AK7: variants seen among roughly 807,000 people sequenced by gnomAD.
AK7 encodes the protein adenylate kinase 7, also known as ATP-AMP transphosphorylase 7.
AK7 carries 78 observed loss-of-function variants against 96.6 expected under a neutral mutation model. That is an observed-to-expected ratio of 0.81 (90% CI 0.67 to 0.97). AK7 has a LOEUF of 0.97. Among genes scored for constraint, AK7 ranks in the 50% least tolerant of loss-of-function variants. The pLI, the probability that AK7 is intolerant of heterozygous loss-of-function variation, is 0.00. For synonymous variants in AK7, 302 were observed against 317.2 expected, an observed-to-expected ratio of 0.95 and a Z score of 0.51; for missense variants, 855 against 887.9, an observed-to-expected ratio of 0.96 and a Z score of 0.47.
intron 4 of AK7, among the ~76,000 whole-genome samples, chr14:96,418,319 G>A (rs1891465512): frequency 1.4e-4 from 1 of 7,092 alleles, no homozygotes; most frequent in African/African-American, 9.0e-4. Context: ...GTGAGACCTT[G>A]TCTAAAAAAA....
chr14:96,415,536 C>T (rs1891278029), intron 4 of AK7, among the ~76,000 whole-genome samples: 1 of 151,768 alleles, frequency 6.6e-6, no homozygotes, highest in Admixed American at 6.6e-5. Flanking sequence ...ACAGCAGAGG[C>T]AGGCCAGCCC....
Position 96,398,242 on chromosome 14 carries a change from C to A in AK7, c.273C>A (p.Asp91Glu). The A allele has an allele frequency of 6.2e-7, 1 of 1,613,300 alleles. No homozygotes were observed. Among genetic ancestry groups the A allele is most frequent in the South Asian group, 1.1e-5 (1 of 91,050 alleles). ...CCAAGCCTGACAGCCCGCGGCCTGA[C>A]TTTGCGGTGGAGACGTACTCTGTAA... ...TLSKPDSPRP[D>E]FAVETYSAIS... The change falls in exon 2 of 18, where the codon GAC becomes GAA. Residue 91 changes from aspartate to glutamate, a missense_variant. Coordinates refer to ENST00000267584, the MANE Select transcript of AK7 (RefSeq NM_152327.5).
rs1276775496 is a variant in AK7, at chr14:96,437,865, G to A, written c.640G>A (p.Ala214Thr). ...AAAATTTGCAGCATACGTAGTTGCT[G>A]CTGGACTCCAGTATGGAGCGGAAGG... ...ARKFAAYVVA[A>T]GLQYGAEGGM... The change falls in exon 6 of 18, where the codon GCT becomes ACT. Residue 214 changes from alanine (A) to threonine (T), a missense_variant. Coordinates refer to ENST00000267584, the MANE Select transcript of AK7 (RefSeq NM_152327.5). 3.7e-6 allele frequency: 6 copies of A among 1,612,676 alleles called. No homozygotes were observed. The highest frequency in any genetic ancestry group is 1.3e-5 in the African/African-American group (1 of 74,832).
chr14:96,435,224 C>A (rs1474156558), intron 5 of AK7, among the ~76,000 whole-genome samples: 1 of 152,124 alleles, frequency 6.6e-6, no homozygotes, highest in Non-Finnish European at 1.5e-5. Flanking sequence ...TCACCTGAAG[C>A]CAGAAGGCTC....
chr14:96,405,669 G>A (rs1421915069), intron 3 of AK7, among the ~76,000 whole-genome samples: 1 of 152,150 alleles, frequency 6.6e-6, no homozygotes, highest in African/African-American at 2.4e-5. Context: ...CGCTCACAAG[G>A]AAGTTGTGTA....
chr14:96,436,616 G>C (rs1251532932), intron 5 of AK7, among the ~76,000 whole-genome samples: 1 of 152,172 alleles, frequency 6.6e-6, no homozygotes, highest in Non-Finnish European at 1.5e-5. Context: ...CTGCACTCCA[G>C]CCTGGGCAAC....
rs990929840 is a variant in AK7 at position 96,397,540 on chromosome 14, C to T, written c.106-535C>T. Among the ~76,000 whole-genome samples, 25 of 152,152 alleles carry T rather than the reference C, an allele frequency of 1.6e-4. 1 individual carries two copies. Among genetic ancestry groups the T allele is most frequent in the Admixed American group, 1.1e-3 (17 of 15,278 alleles). On this transcript the variant is annotated intron_variant, in intron 1 of 17. Transcript: ENST00000267584. ...CTGGGATTACAGGCATGAGCCACTG[C>T]GCCCAACCTCACAGCATTTAAATTA...
intron 5 of AK7, among the ~76,000 whole-genome samples, chr14:96,433,331 T>G (rs980106108): frequency 1.3e-5 from 2 of 152,228 alleles, no homozygotes; most frequent in Non-Finnish European, 2.9e-5. Flanking sequence ...TTTGGTCTTT[T>G]CACATAGTCC....
intron 7 of AK7, among the ~76,000 whole-genome samples, chr14:96,445,182 T>C (rs1336173470): frequency 1.3e-5 from 2 of 152,260 alleles, no homozygotes; most frequent in Non-Finnish European, 2.9e-5. Context: ...TTCTATTTTA[T>C]GGAATGAAAT....
chr14:96,415,728 T>A (rs933879600), intron 4 of AK7, among the ~76,000 whole-genome samples: 1 of 111,216 alleles, frequency 9.0e-6, no homozygotes, highest in Admixed American at 8.9e-5. Context: ...TATTAATAAA[T>A]TTTAATACAT....
intron 12 of AK7, 84 bp downstream of exon 12, chr14:96,458,296 A>G: frequency 1.3e-6 from 2 of 1,525,828 alleles, no homozygotes; most frequent in Non-Finnish European, 1.8e-6. Flanking sequence ...ACTGTTTAAA[A>G]AAAAAAGACT....
intron 3 of AK7, among the ~76,000 whole-genome samples, chr14:96,406,681 T>A (rs924725758): frequency 2.6e-5 from 4 of 151,856 alleles, no homozygotes; most frequent in Non-Finnish European, 5.9e-5. Context: ...GCAATGGATA[T>A]GTATTCCTTT....
At chr14:96,447,962 C>CA (rs968409337) in intron 8 of AK7, among the ~76,000 whole-genome samples, 34 of 149,436 alleles carry the variant, frequency 2.3e-4, no homozygotes, top group African/African-American at 6.4e-4. Context: ...CCATCTCTAC[C>CA]AAAAAAAAAT....
At chr14:96,472,645 A>G (rs1159823136) in intron 13 of AK7, 42 bp from the exon 14 acceptor site, 2 of 1,531,250 alleles carry the variant, frequency 1.3e-6, no homozygotes, top group Non-Finnish European at 1.8e-6. Flanking sequence ...CCATAGTAAT[A>G]ATATATTAAT....
Position 96,483,164 on chromosome 14 carries a change from G to T in AK7, c.1919G>T (p.Arg640Leu), listed in dbSNP as rs1484637749. The change falls in exon 16 of 18, where the codon CGC becomes CTC. Residue 640 changes from arginine (R) to leucine (L), a missense_variant. Physicochemically the swap from Arg to Leu is moderately radical, Grantham distance 102 (BLOSUM62 -2). Transcript: ENST00000267584. ...AGGGAGGCTGCTGAGGAAGCAGAACGCGAGCACCAGGAGGCCGTGGAGATG... is the reference window on the plus strand; with the variant it reads ...AGGGAGGCTGCTGAGGAAGCAGAACTCGAGCACCAGGAGGCCGTGGAGATG... ...LAREAAEEAE[R>L]EHQEAVEMAE... 1.2e-6 allele frequency: 2 copies of T among 1,613,362 alleles called. No individual in the cohort carries two copies. Among genetic ancestry groups the T allele is most frequent in the Middle Eastern group, 1.6e-4 (1 of 6,082 alleles).
intron 15 of AK7, among the ~76,000 whole-genome samples, chr14:96,481,865 A>G (rs1895524645): frequency 6.6e-6 from 1 of 151,590 alleles, no homozygotes; most frequent in Admixed American, 6.6e-5. Flanking sequence ...CCACCACACC[A>G]GGCTAATTTT....
chr14:96,440,106 G>T (rs923013574), intron 6 of AK7, among the ~76,000 whole-genome samples: 1 of 152,208 alleles, frequency 6.6e-6, no homozygotes. Context: ...CTCCCGAGTA[G>T]CTGGGATTAC....
intron 7 of AK7, among the ~76,000 whole-genome samples, chr14:96,443,352 T>C (rs1893057966): frequency 6.6e-6 from 1 of 152,138 alleles, no homozygotes; most frequent in South Asian, 2.1e-4. Flanking sequence ...GTGAGGTCAA[T>C]GAGTTGGTTC....
intron 3 of AK7, among the ~76,000 whole-genome samples, chr14:96,408,088 T>A (rs1172921444): frequency 6.6e-6 from 1 of 152,238 alleles, no homozygotes; most frequent in Non-Finnish European, 1.5e-5. Context: ...TTCTGCCTTA[T>A]CAGTGCTCTC....
Sources: gnomAD v4.1 joint callset for allele counts (sites outside exome capture counted in the v4.1 genomes callset) on GRCh38, gnomAD v4.1.1 for gene constraint, MANE v1.5 for transcripts, NCBI Gene and HGNC (gene_info 2026-07-23, HGNC 2026-07-21) for gene names.